The following POP1 variants were observed in gnomAD, a reference collection of about 807,000 sequenced individuals.
The protein encoded by POP1 is POP1 ribonuclease P/MRP subunit, also known as ribonucleases P/MRP protein subunit POP1.
POP1 carries 75 observed loss-of-function variants against 102.2 expected under a neutral mutation model. The ratio of observed to expected loss-of-function variants is 0.73; its 90% confidence interval spans 0.61 to 0.89. The LOEUF (loss-of-function observed/expected upper bound fraction) is 0.89, where lower values mean the gene tolerates loss of function less well. POP1 is among the 40% of genes least tolerant of loss of function. The probability of loss-of-function intolerance (pLI) is 0.00; values close to 1 mark genes in which losing one functional copy is unlikely to be tolerated. For synonymous variants in POP1, 436 were observed against 464.1 expected (o/e 0.94, Z 0.78); for missense variants, 1,116 against 1,267.4 (o/e 0.88, Z 1.81).
chr8:98,154,616 A>G (rs1368123686), intron 14 of POP1, among the ~76,000 whole-genome samples: 1 of 152,138 alleles, frequency 6.6e-6, no homozygotes, highest in South Asian at 2.1e-4. Flanking sequence ...GGTTATTGGA[A>G]GGATGATTTA....
intron 1 of POP1, among the ~76,000 whole-genome samples, chr8:98,120,203 C>T (rs1200684108): frequency 1.3e-5 from 2 of 152,212 alleles, no homozygotes; most frequent in Non-Finnish European, 2.9e-5. Context: ...TCATGTGCTT[C>T]ACTAGCCAGC....
At chr8:98,123,797 CAT>C (rs970241409) in intron 2 of POP1, among the ~76,000 whole-genome samples, 13 of 150,694 alleles carry the variant, frequency 8.6e-5, no homozygotes, top group Non-Finnish European at 1.9e-4. Flanking sequence ...AAAAGATACA[CAT>C]GATGCTCTCT....
Position 98,128,454 on chromosome 8 carries a change from ACT to A in POP1, c.403_404del (p.Leu135AlafsTer42). On this transcript the variant is annotated frameshift_variant, in exon 4 of 16. Transcript: ENST00000401707. LOFTEE classifies it high-confidence loss of function. ...GTCTTCGAATTCACTGGTTTTTCAG[ACT>A]CTGCCACGGCACATGCGACGAAGAG... ...QKSSNSLVFQTLPRHMRRRAM... is the reference protein window; with the variant it reads ...QKSSNSLVFQXLPRHMRRRAM... 3 of 1,613,666 alleles carry A rather than the reference ACT, an allele frequency of 1.9e-6. No individual in the cohort carries two copies. The highest frequency in any genetic ancestry group is 2.2e-5 in the East Asian group (1 of 44,852).
chr8:98,148,106 G>C (rs918648379), intron 12 of POP1, among the ~76,000 whole-genome samples: 4 of 152,220 alleles, frequency 2.6e-5, no homozygotes, highest in Non-Finnish European at 4.4e-5. Flanking sequence ...GGGAGGAAAA[G>C]TCGGGGCTAA....
chr8:98,144,774 A>G (rs1323083005), intron 11 of POP1, among the ~76,000 whole-genome samples: 2 of 152,174 alleles, frequency 1.3e-5, no homozygotes, highest in South Asian at 2.1e-4. Context: ...GACTACCCCT[A>G]GACAGGCCAT....
intron 12 of POP1, among the ~76,000 whole-genome samples, chr8:98,148,172 A>G (rs17765705): frequency 0.13 from 19,261 of 152,186 alleles, 1,322 homozygotes; most frequent in Middle Eastern, 0.26. Context: ...TCCGAAAGTG[A>G]AAAAGAAGAA....
rs571923195 is a variant in POP1, at chr8:98,135,287, A to C, written c.1011+628A>C. ...TGAGACCCTGTCTCGAAAAAAAAAA[A>C]AACTAATCTTGACATCTCATATTTT... On this transcript the variant is annotated intron_variant, in intron 7 of 15. Transcript: ENST00000401707. Among the ~76,000 whole-genome samples the C allele has an allele frequency of 3.3e-5, 5 of 152,312 alleles. No individual in the cohort carries two copies. The South Asian group carries it at 8.3e-4, about 25-fold the overall frequency.
chr8:98,126,769 T>C (rs1442212068), intron 2 of POP1, among the ~76,000 whole-genome samples: 1 of 152,208 alleles, frequency 6.6e-6, no homozygotes, highest in African/African-American at 2.4e-5. Context: ...AAAAATATTG[T>C]ATAAAATTAC....
chr8:98,120,524 T>C (rs1815980028), intron 1 of POP1, among the ~76,000 whole-genome samples: 1 of 152,204 alleles, frequency 6.6e-6, no homozygotes, highest in South Asian at 2.1e-4. Context: ...CAGGCTGGAG[T>C]GCAGTGGCGT....
At chr8:98,141,577 A>G (rs1816704769) in intron 11 of POP1, among the ~76,000 whole-genome samples, 1 of 150,470 alleles carries the variant, frequency 6.6e-6, no homozygotes, top group Admixed American at 6.6e-5. Context: ...TTTTTTTGAG[A>G]TGGAATCTCG....
chr8:98,145,677 A>G (rs955361062), intron 11 of POP1, among the ~76,000 whole-genome samples: 1 of 152,162 alleles, frequency 6.6e-6, no homozygotes, highest in Non-Finnish European at 1.5e-5. Context: ...AGGCCGAGGC[A>G]GGTGGATCAC....
At chr8:98,136,068 TTTTTTTA>T (rs202067789) in intron 7 of POP1, among the ~76,000 whole-genome samples, 12,736 of 105,100 alleles carry the variant, frequency 0.12, 920 homozygotes, top group African/African-American at 0.23. Flanking sequence ...AAATGTGATT[TTTTTTTA>T]TTTTTTATTT....
chr8:98,125,265 A>G (rs1434779322), intron 2 of POP1, among the ~76,000 whole-genome samples: 1 of 143,972 alleles, frequency 6.9e-6, no homozygotes, highest in Non-Finnish European at 1.5e-5. Flanking sequence ...GGCTCACTGC[A>G]ACCTCCACCT....
chr8:98,128,653 T>C (rs1816285513), intron 4 of POP1, 113 bp downstream of exon 4: 2 of 1,217,796 alleles, frequency 1.6e-6, no homozygotes, highest in Non-Finnish European at 2.3e-6. Flanking sequence ...GCATGGTGGC[T>C]CACGCCTGTA....
At chr8:98,126,924 A>G (rs1305811486) in intron 2 of POP1, among the ~76,000 whole-genome samples, 1 of 152,210 alleles carries the variant, frequency 6.6e-6, no homozygotes, top group African/African-American at 2.4e-5. Flanking sequence ...TTCTGGTCCC[A>G]GTTATTTCAG....
intron 11 of POP1, 94 bp from the exon 12 acceptor site, chr8:98,146,473 AT>A (rs1443525304): frequency 1.1e-6 from 1 of 871,836 alleles, no homozygotes; most frequent in African/African-American, 1.7e-5. Context: ...CCTATGAAAT[AT>A]TGTTTTGTAA....
rs572344302 is a variant in POP1 at position 98,148,720 on chromosome 8, A to G, written c.1711-95A>G. The G allele has an allele frequency of 9.1e-5, 96 of 1,051,628 alleles. No individual in the cohort carries two copies. In the East Asian group the frequency reaches 2.1e-3, roughly 23 times the overall value. 65.1% of individuals were successfully genotyped at this position (1,051,628 alleles called of 1,614,324 possible). ...CGTTTTTCTCTTGCTTTTTTAAAAG[A>G]GCATTTAATTTTCTAAAGCTGCTTA... On this transcript the variant is annotated intron_variant, in intron 12 of 15. Transcript: ENST00000401707.
chr8:98,127,706 G>A lies in POP1; in HGVS notation c.254G>A (p.Gly85Glu), dbSNP rs1299779523. 4.3e-6 allele frequency: 7 copies of A among 1,614,166 alleles called. No individual in the cohort carries two copies. Among genetic ancestry groups the A allele is most frequent in the Non-Finnish European group, 5.9e-6 (7 of 1,180,024 alleles). ...SSSKGMFRKK[G>E]GWKAGPEGTS... Reference sequence around the variant, plus strand: ...TCCAAAGGGATGTTTAGAAAAAAGGGAGGATGGAAAGCAGGTCCCGAGGGC... The same window carrying A: ...TCCAAAGGGATGTTTAGAAAAAAGGAAGGATGGAAAGCAGGTCCCGAGGGC... The change falls in exon 3 of 16, where the codon GGA (glycine) becomes GAA (glutamate). Residue 85 changes from glycine to glutamate, a missense_variant. Gly to Glu is a moderately conservative substitution (Grantham distance 98). Transcript: ENST00000401707.
intron 5 of POP1, among the ~76,000 whole-genome samples, chr8:98,133,717 C>T (rs746464576): frequency 4.6e-5 from 7 of 152,054 alleles, no homozygotes; most frequent in South Asian, 2.1e-4. Context: ...TATTTTGGTT[C>T]GGGTTGGTTT....
Sources: gnomAD v4.1 joint callset for allele counts (sites outside exome capture counted in the v4.1 genomes callset) on GRCh38, gnomAD v4.1.1 for gene constraint, MANE v1.5 for transcripts, NCBI Gene and HGNC (gene_info 2026-07-23, HGNC 2026-07-21) for gene names.